PLEKHG5: variants seen among roughly 807,000 people sequenced by gnomAD.
The protein encoded by PLEKHG5 is pleckstrin homology domain-containing family G member 5.
Under a neutral mutation model 103.8 loss-of-function variants are expected in PLEKHG5, and 52 were observed. That is an observed-to-expected ratio of 0.50 (90% CI 0.40 to 0.63). PLEKHG5 has a LOEUF of 0.63. Among genes scored for constraint, PLEKHG5 ranks in the 30% least tolerant of loss-of-function variants. The pLI is 0.00. For missense variants in PLEKHG5, 1,205 were observed against 1,347.6 expected (o/e 0.89, Z 1.66); for synonymous variants, 592 against 575.5 (o/e 1.03, Z -0.41).
chr1:6,491,966 G>A (rs1645156933), upstream of PLEKHG5, among the ~76,000 whole-genome samples: 1 of 152,206 alleles, frequency 6.6e-6, no homozygotes, highest in African/African-American at 2.4e-5. This position sits in a 1 kb window ranked among gnomAD's most constrained non-coding sequence, Gnocchi z 4.1. Context: ...TTTGGGAGCT[G>A]TGCAGAAAAA....
chr1:6,492,076 ACCTCG>A (rs1461827289), upstream of PLEKHG5, among the ~76,000 whole-genome samples: 1 of 151,810 alleles, frequency 6.6e-6, no homozygotes, highest in Non-Finnish European at 1.5e-5. Context: ...AAGTCATTTT[ACCTCG>A]CCACTCTGCA....
Position 6,470,878 on chromosome 1 carries a change from C to G in PLEKHG5, c.1399G>C (p.Glu467Gln). ...AGCCTCTGGCACTGTGGGTGCTTCT[C>G]CGCCCACTGCGGTGGGGGAGTGGGG... ...DLFRAYITWA[E>Q]KHPQCQRLKL... Residue 467 changes from glutamate to glutamine, a missense_variant, in exon 14 of 21, where the codon GAG becomes CAG. Transcript: ENST00000377728. 6.4e-7 allele frequency: 1 copy of G among 1,556,130 alleles called. No homozygotes were observed. Among genetic ancestry groups the G allele is most frequent in the Middle Eastern group, 1.7e-4 (1 of 5,956 alleles).
rs61749272 is a variant in PLEKHG5, at chr1:6,468,505, G to T, written c.2331C>A (p.Ser777Arg). 1.9e-6 allele frequency: 3 copies of T among 1,612,888 alleles called. No homozygotes were observed. Among genetic ancestry groups the T allele is most frequent in the South Asian group, 2.2e-5 (2 of 91,076 alleles). Residue 777 changes from serine (S) to arginine (R), a missense_variant, in exon 20 of 21, where the codon AGC becomes AGA. Coordinates refer to ENST00000377728, the MANE Select transcript of PLEKHG5 (RefSeq NM_020631.6). ...GDTLSSPEFDSGPFSSQSDET... is the reference protein window; with the variant it reads ...GDTLSSPEFDRGPFSSQSDET... ...CATCAGACTGGGAGCTGAAAGGACC[G>T]CTGTCGAACTCGGGGGAGGACAGCG... is the stretch of plus-strand genomic sequence containing the variant.
intron 1 of PLEKHG5, among the ~76,000 whole-genome samples, chr1:6,518,612 G>A (rs1205043933): frequency 4.0e-5 from 6 of 151,880 alleles, no homozygotes. Context: ...GGATGTGCAG[G>A]AGGAATTTCC....
At chr1:6,516,991 T>A (rs1180903475) in intron 1 of PLEKHG5, among the ~76,000 whole-genome samples, 1 of 150,676 alleles carries the variant, frequency 6.6e-6, no homozygotes, top group Non-Finnish European at 1.5e-5. Flanking sequence ...CTCACACCTA[T>A]AATCTCAGCA....
In PLEKHG5 at chr1:6,490,096, C is replaced by T. The variant is rs1473790609; in HGVS notation, c.-88+1541G>A. ...CGCCTGGGACCGACTCCGGGACTGG[C>T]CAGATGGGGAGGATCGGCTGAGCCT... On this transcript the variant is annotated intron_variant, in intron 1 of 20. Transcript: ENST00000377728. This position sits in a 1 kb window ranked among gnomAD's most constrained non-coding sequence, Gnocchi z 8.0. Among the ~76,000 whole-genome samples, 1 of 152,096 alleles carries T rather than the reference C, an allele frequency of 6.6e-6. No individual in the cohort carries two copies. Among genetic ancestry groups the T allele is most frequent in the African/African-American group, 2.4e-5 (1 of 41,412 alleles).
At chr1:6,489,226 C>T (rs1171917420) in intron 1 of PLEKHG5, among the ~76,000 whole-genome samples, 3 of 152,300 alleles carry the variant, frequency 2.0e-5, no homozygotes, top group South Asian at 4.1e-4. Flanking sequence ...GTGGAGACTG[C>T]ATGCATGGGC....
At chr1:6,498,691 A>G (rs1384370992), upstream of PLEKHG5, among the ~76,000 whole-genome samples, 1 of 152,132 alleles carries the variant, frequency 6.6e-6, no homozygotes, top group East Asian at 1.9e-4. Context: ...CTGAGAGGGA[A>G]GCAGCTGCCC....
Position 6,475,124 on chromosome 1 carries a change from T to C in PLEKHG5, c.225A>G (p.Glu75=). The C allele has an allele frequency of 6.2e-7, 1 of 1,605,258 alleles. No individual in the cohort carries two copies. Among genetic ancestry groups the C allele is most frequent in the Non-Finnish European group, 8.5e-7 (1 of 1,172,050 alleles). ...RRRHTDDPSK[E]CFTLKFDLNV... is the part of the protein sequence containing the mutation. ...TCAGGTCAAATTTCAGAGTGAAGCA[T>C]TCCTTGCTTGGGTCCTGGGAGGATG... The change falls in exon 5 of 21, where the codon GAA becomes GAG. Residue 75 remains glutamate (E), a synonymous_variant. Coordinates refer to ENST00000377728, the MANE Select transcript of PLEKHG5 (RefSeq NM_020631.6).
At chr1:6,507,293 C>T (rs541773724) in intron 1 of PLEKHG5, among the ~76,000 whole-genome samples, 4 of 152,120 alleles carry the variant, frequency 2.6e-5, no homozygotes, top group Admixed American at 6.5e-5. Context: ...AGGAATAGAA[C>T]TTGTATTTGA....
chr1:6,519,064 G>A (rs998833012), intron 1 of PLEKHG5, among the ~76,000 whole-genome samples: 1 of 152,154 alleles, frequency 6.6e-6, no homozygotes, highest in African/African-American at 2.4e-5. Context: ...GGATGGTCTC[G>A]ATCTCCTAAC....
chr1:6,500,525 C>G (rs973542739), upstream of PLEKHG5, among the ~76,000 whole-genome samples: 4 of 151,574 alleles, frequency 2.6e-5, no homozygotes, highest in East Asian at 3.9e-4. Context: ...TGAACTCCCC[C>G]CTCCGCTAAG....
At chr1:6,519,223 A>T (rs545071296) in intron 1 of PLEKHG5, among the ~76,000 whole-genome samples, 1 of 152,286 alleles carries the variant, frequency 6.6e-6, no homozygotes, top group Non-Finnish European at 1.5e-5. Flanking sequence ...TCTGCCCTCA[A>T]ATCAGAGCTG....
chr1:6,474,133 C>T lies in PLEKHG5; in HGVS notation c.471G>A (p.Val157=), dbSNP rs1454080327. The change falls in exon 7 of 21, where the codon GTG becomes GTA. Residue 157 remains valine (V), a synonymous_variant. Coordinates refer to ENST00000377728, the MANE Select transcript of PLEKHG5 (RefSeq NM_020631.6). ...ACTTGGAGTCCTTCATGCCCTGCTCCACCTTGCCCTCATCTCCAGGCTTGG... is the reference window on the plus strand; with the variant it reads ...ACTTGGAGTCCTTCATGCCCTGCTCTACCTTGCCCTCATCTCCAGGCTTGG... The part of the protein sequence containing the change: ...APAKPGDEGK[V]EQGMKDSKSL... 6.2e-7 allele frequency: 1 copy of T among 1,613,604 alleles called. No homozygotes were observed. The highest frequency in any genetic ancestry group is 2.2e-5 in the East Asian group (1 of 44,884).
Position 6,467,426 on chromosome 1 carries a change from G to C in PLEKHG5, c.*137C>G. 1 of 940,160 alleles carries C rather than the reference G, an allele frequency of 1.1e-6. No individual in the cohort carries two copies. Among genetic ancestry groups the C allele is most frequent in the South Asian group, 1.3e-5 (1 of 77,584 alleles). 58.2% of individuals were successfully genotyped at this position (940,160 alleles called of 1,614,324 possible). On this transcript the variant is annotated 3_prime_UTR_variant, in exon 21 of 21. Coordinates refer to ENST00000377728, the MANE Select transcript of PLEKHG5 (RefSeq NM_020631.6). ...GTCCGGCAAAGCGCAAATCGGGCCCGGGCGTAGGCAGGGATCCTGCCCAGC... is the reference window on the plus strand; with the variant it reads ...GTCCGGCAAAGCGCAAATCGGGCCCCGGCGTAGGCAGGGATCCTGCCCAGC...
At chr1:6,477,711 C>T (rs1644801185) in intron 1 of PLEKHG5, 53 bp from the exon 2 acceptor site, 9 of 1,576,166 alleles carry the variant, frequency 5.7e-6, no homozygotes, top group Admixed American at 1.7e-5. Flanking sequence ...CCACATCCCT[C>T]GACCCCGGCC....
Position 6,490,403 on chromosome 1 carries a change from A to T in PLEKHG5, c.-88+1234T>A. Reference sequence around the variant, plus strand: ...TAGGGGGGTCCTGGCGCCTAGTCCCACCCCCCGTCCGGAGCGCAGCTCCCA... The same window carrying T: ...TAGGGGGGTCCTGGCGCCTAGTCCCTCCCCCCGTCCGGAGCGCAGCTCCCA... On this transcript the variant is annotated intron_variant, in intron 1 of 20. Transcript: ENST00000377728. This position sits in a 1 kb window ranked among gnomAD's most constrained non-coding sequence, Gnocchi z 8.0. The T allele has an allele frequency of 1.0e-6, 1 of 973,576 alleles. No individual in the cohort carries two copies. Among genetic ancestry groups the T allele is most frequent in the Non-Finnish European group, 1.2e-6 (1 of 820,662 alleles). 60.3% of individuals were successfully genotyped at this position (973,576 alleles called of 1,614,324 possible).
intron 12 of PLEKHG5, 156 bp downstream of exon 12, chr1:6,471,332 G>T: frequency 1.1e-6 from 1 of 925,188 alleles, no homozygotes; most frequent in Non-Finnish European, 1.6e-6. Context: ...CCGGGCGACC[G>T]CCTCGTAATT....
In PLEKHG5 at chr1:6,490,922, G is replaced by C. The variant is rs1223807294; in HGVS notation, c.-88+715C>G. Among the ~76,000 whole-genome samples, 1 of 152,162 alleles carries C rather than the reference G, an allele frequency of 6.6e-6. No individual in the cohort carries two copies. The highest frequency in any genetic ancestry group is 2.4e-5 in the African/African-American group (1 of 41,442). ...GGGGGACCAGGGCCCGCGACAGGAA[G>C]CCTCCGCGCGACAGAAAAGCCCCGG... On this transcript the variant is annotated intron_variant, in intron 1 of 20. Coordinates refer to ENST00000377728, the MANE Select transcript of PLEKHG5 (RefSeq NM_020631.6). This position sits in a 1 kb window ranked among gnomAD's most constrained non-coding sequence, Gnocchi z 8.0.
Sources: gnomAD v4.1 joint callset for allele counts (sites outside exome capture counted in the v4.1 genomes callset) on GRCh38, gnomAD v4.1.1 for gene constraint, Gnocchi (gnomAD v3.1) non-coding constraint, MANE v1.5 for transcripts, NCBI Gene and HGNC (gene_info 2026-07-23, HGNC 2026-07-21) for gene names.